ZNF445: variants seen among roughly 807,000 people sequenced by gnomAD.
The protein encoded by ZNF445 is zinc finger protein 445.
ZNF445 carries 19 observed loss-of-function variants against 93.9 expected under a neutral mutation model. That is an observed-to-expected ratio of 0.20 (90% CI 0.14 to 0.30). The LOEUF (loss-of-function observed/expected upper bound fraction) is 0.30, where lower values mean the gene tolerates loss of function less well. Ranked by LOEUF, ZNF445 falls within the 10% of genes least tolerant of loss-of-function variation. ZNF445 has a pLI of 1.00. For synonymous variants in ZNF445, 449 were observed against 446.3 expected (o/e 1.01, Z -0.08); for missense variants, 1,058 against 1,259.4 (o/e 0.84, Z 2.42).
intron 1 of ZNF445, among the ~76,000 whole-genome samples, chr3:44,472,792 G>T (rs1170060154): frequency 6.6e-6 from 1 of 152,170 alleles, no homozygotes; most frequent in Non-Finnish European, 1.5e-5. Flanking sequence ...TTTAAGCATA[G>T]AAGAAAAGCT....
At chr3:44,477,521 C>A in intron 1 of ZNF445, 70 bp downstream of exon 1, 1 of 152,418 alleles carries the variant, frequency 6.6e-6, no homozygotes, top group South Asian at 1.9e-4. Context: ...CCGAGAATGC[C>A]GCGGACTTCG....
Position 44,474,489 on chromosome 3 carries a change from G to C in ZNF445, c.-269+3102C>G, listed in dbSNP as rs556282434. Among the ~76,000 whole-genome samples, 3 of 152,282 alleles carry C rather than the reference G, an allele frequency of 2.0e-5. No homozygotes were observed. The South Asian group carries it at 6.2e-4, about 32-fold the overall frequency. On this transcript the variant is annotated intron_variant, in intron 1 of 7. Transcript: ENST00000396077. Reference sequence around the variant, plus strand: ...AGATCACGCCATTGCACTCCAGCCAGTGCAACAAGAGCAAAATTCCGTCTC... The same window carrying C: ...AGATCACGCCATTGCACTCCAGCCACTGCAACAAGAGCAAAATTCCGTCTC...
chr3:44,446,607 C>A lies in ZNF445; in HGVS notation c.3064G>T (p.Ala1022Ser), dbSNP rs915420883. Residue 1022 changes from alanine (A) to serine (S), a missense_variant, in exon 8 of 8, where the codon GCT becomes TCT. By Grantham distance (99) the Ala-to-Ser change is moderately conservative (BLOSUM62 1). Transcript: ENST00000396077. The surrounding 1 kb of genome is among the most constrained non-coding windows in gnomAD (Gnocchi z 4.2). ...CTAATATGGTTTTTCATATGCCGAG[C>A]CAGGTTCGAAGACCACCTGAAGGTC... ...GKTFRWSSNL[A>S]RHMKNHIRD The A allele has an allele frequency of 6.2e-7, 1 of 1,614,232 alleles. No individual in the cohort carries two copies. Among genetic ancestry groups the A allele is most frequent in the Non-Finnish European group, 8.5e-7 (1 of 1,180,044 alleles).
rs1263680308 is a variant in ZNF445 at position 44,451,376 on chromosome 3, A to G, written c.536T>C (p.Leu179Pro). 1 of 1,614,074 alleles carries G rather than the reference A, an allele frequency of 6.2e-7. No homozygotes were observed. The highest frequency in any genetic ancestry group is 1.3e-5 in the African/African-American group (1 of 74,936). Residue 179 changes from leucine to proline, a missense_variant, in exon 4 of 8, where the codon CTG (leucine) becomes CCG (proline). Around this residue, in one of 3 missense-constraint regions of ZNF445, gnomAD observed 657 missense variants for 746.4 expected, o/e 0.88. Transcript: ENST00000396077. ...ATAGGGAGGCTCCAGGTGGTCCCCC[A>G]GAGCAGAGCTGCTCCTGAGAGGTGA... ...LASPLRSSSA[L>P]GDHLEPPYEI...
At chr3:44,450,136 A>G (rs1697936954) in intron 6 of ZNF445, 2 of 363,580 alleles carry the variant, frequency 5.5e-6, no homozygotes, top group South Asian at 2.5e-5. Context: ...ATGGGGTTTC[A>G]CTATGTTGCC....
chr3:44,455,352 A>G lies in ZNF445; in HGVS notation c.198T>C (p.Ser66=). 6.2e-7 allele frequency: 1 copy of G among 1,614,054 alleles called. No individual in the cohort carries two copies. The highest frequency in any genetic ancestry group is 1.1e-5 in the South Asian group (1 of 91,076). ...GGCTCAGAGTTTCTAGGGGCCCTGA[A>G]GACTCATGGTAGCGAAGCTGTCTGA... ...QLFRQLRYHE[S]SGPLETLSRL... is the part of the protein sequence containing the mutation. Residue 66 remains serine, a synonymous_variant, in exon 3 of 8, where the codon TCT becomes TCC. Transcript: ENST00000396077.
chr3:44,476,974 C>T (rs901058549), intron 1 of ZNF445, among the ~76,000 whole-genome samples: 5 of 152,104 alleles, frequency 3.3e-5, no homozygotes, highest in African/African-American at 1.2e-4. Context: ...AGAACAAATG[C>T]ATTCTACAAA....
rs1034521253 is a variant in ZNF445, at chr3:44,442,928, T to C, written c.*3647A>G. The C allele has an allele frequency of 3.3e-5, 5 of 152,242 alleles. No homozygotes were observed. Among genetic ancestry groups the C allele is most frequent in the Non-Finnish European group, 7.3e-5 (5 of 68,034 alleles). The allele number at this position is 152,242 out of a possible 1,614,324, so 9.4% of individuals were successfully genotyped here. A position where few individuals can be genotyped will look rare whatever the true frequency, so the allele number is the denominator to read the frequency against. ...TCAGATTCCTTAACAGAGGTAATTTTGTGCAAGATATTTTCTGCATGGCAA... is the reference window on the plus strand; with the variant it reads ...TCAGATTCCTTAACAGAGGTAATTTCGTGCAAGATATTTTCTGCATGGCAA... On this transcript the variant is annotated 3_prime_UTR_variant, in exon 8 of 8. Transcript: ENST00000396077.
chr3:44,440,675 G>A lies in ZNF445; in HGVS notation c.*5900C>T, dbSNP rs1291762533. 6.6e-6 allele frequency: 1 copy of A among 152,210 alleles called. No homozygotes were observed. The highest frequency in any genetic ancestry group is 1.5e-5 in the Non-Finnish European group (1 of 68,044). 9.4% of individuals were successfully genotyped at this position (152,210 alleles called of 1,614,324 possible). ...TTGCTCAAGAAAAGAATTCGGGCGA[G>A]TCCACAAAGTGAAAGTAGTTAATAT... On this transcript the variant is annotated 3_prime_UTR_variant, in exon 8 of 8. Transcript: ENST00000396077.
Position 44,448,391 on chromosome 3 carries a change from T to C in ZNF445, c.1280A>G (p.His427Arg), listed in dbSNP as rs772081933. The C allele has an allele frequency of 6.2e-7, 1 of 1,614,162 alleles. No homozygotes were observed. Among genetic ancestry groups the C allele is most frequent in the African/African-American group, 1.3e-5 (1 of 74,952 alleles). Residue 427 changes from histidine to arginine, a missense_variant, in exon 8 of 8, where the codon CAC becomes CGC. This residue lies in a region of ZNF445 where 657 missense variants were observed against 746.4 expected (regional missense o/e 0.88). Transcript: ENST00000396077. ...CGKHFRMSSH[H>R]YDYKKYGKGL... Reference sequence around the variant, plus strand: ...CTTCCCATATTTCTTGTAGTCATAGTGGTGTGAACTCATTCTGAAGTGTTT... The same window carrying C: ...CTTCCCATATTTCTTGTAGTCATAGCGGTGTGAACTCATTCTGAAGTGTTT...
In ZNF445 at chr3:44,450,945, T is replaced by A. The variant is rs764413795; in HGVS notation, c.616A>T (p.Met206Leu). ...CCCTCTCTCGGGAAAAGGGCAGGCA[T>A]CTGGGCAGCAGGAGTATCTGAAGGA... The part of the protein sequence containing the change: ...AGQSDTPAAQ[M>L]PALFPREGCP... The change falls in exon 5 of 8, where the codon ATG becomes TTG. Residue 206 changes from methionine (M) to leucine (L), a missense_variant. Met to Leu is a conservative substitution (Grantham distance 15). Transcript: ENST00000396077. 6.3e-7 allele frequency: 1 copy of A among 1,597,424 alleles called. No individual in the cohort carries two copies. Among genetic ancestry groups the A allele is most frequent in the Non-Finnish European group, 8.5e-7 (1 of 1,172,332 alleles).
chr3:44,471,008 A>C (rs567760095), intron 1 of ZNF445, among the ~76,000 whole-genome samples: 157 of 152,324 alleles, frequency 1.0e-3, no homozygotes, highest in African/African-American at 3.6e-3. Flanking sequence ...CAAAAATAAA[A>C]AACCTATCCA....
At position 44,459,524 on chromosome 3, in the gene ZNF445, C is replaced by T. The variant is rs796885217; in HGVS notation, c.-268-1160G>A. On this transcript the variant is annotated intron_variant, in intron 1 of 7. Transcript: ENST00000396077. ...GGCTTGATAAGCATATTCTAAAATT[C>T]AAGCAAATGACTAAAAGGCCAAGAA... 6.6e-5 allele frequency among the ~76,000 whole-genome samples: 10 copies of T among 152,270 alleles called. No individual in the cohort carries two copies. In the South Asian group the frequency reaches 2.1e-3, roughly 32 times the overall value.
intron 1 of ZNF445, among the ~76,000 whole-genome samples, chr3:44,465,913 C>A (rs1559398920): frequency 2.7e-5 from 4 of 150,252 alleles, no homozygotes; most frequent in African/African-American, 9.8e-5. Context: ...GACTTCGTCT[C>A]AAAAAAAAAC....
chr3:44,462,761 G>A (rs558416091), intron 1 of ZNF445, among the ~76,000 whole-genome samples: 1 of 152,210 alleles, frequency 6.6e-6, no homozygotes, highest in South Asian at 2.1e-4. Flanking sequence ...AGTGAAAACT[G>A]ATTAATTTCA....
rs543588993 is a variant in ZNF445 at position 44,447,476 on chromosome 3, G to C, written c.2195C>G (p.Ala732Gly). Residue 732 changes from alanine to glycine, a missense_variant, in exon 8 of 8, where the codon GCC becomes GGC. By Grantham distance (60) the Ala-to-Gly change is moderately conservative. Transcript: ENST00000396077. The surrounding 1 kb of genome is among the most constrained non-coding windows in gnomAD (Gnocchi z 4.7). Reference protein sequence around the residue: ...SAFIVHKKKHAMKRKPEGGPS... With the variant: ...SAFIVHKKKHGMKRKPEGGPS... ...CCCGCCCTCAGGTTTTCTTTTCATG[G>C]CATGCTTCTTCTTATGAACAATAAA... 1.9e-6 allele frequency: 3 copies of C among 1,614,122 alleles called. No homozygotes were observed. In the East Asian group the frequency reaches 6.7e-5, roughly 36 times the overall value.
At chr3:44,459,503 T>C (rs915121139) in intron 1 of ZNF445, among the ~76,000 whole-genome samples, 3 of 152,228 alleles carry the variant, frequency 2.0e-5, no homozygotes, top group Admixed American at 2.0e-4. Flanking sequence ...TCTTAGGGCT[T>C]GATAAGCATA....
intron 1 of ZNF445, among the ~76,000 whole-genome samples, chr3:44,474,539 A>G (rs1260228887): frequency 6.6e-6 from 1 of 152,066 alleles, no homozygotes; most frequent in Non-Finnish European, 1.5e-5. Context: ...CAGAACAAAC[A>G]AAAAAACAAA....
rs567482954 is a variant in ZNF445 at position 44,449,437 on chromosome 3, A to G, written c.931+76T>C. 777 of 1,190,286 alleles carry G rather than the reference A, an allele frequency of 6.5e-4. 6 individuals are homozygous for G. The African/African-American group carries it at 0.01, about 15-fold the overall frequency. 73.7% of individuals were successfully genotyped at this position (1,190,286 alleles called of 1,614,324 possible). A position where few individuals can be genotyped will look rare whatever the true frequency, so the allele number is the denominator to read the frequency against. On this transcript the variant is annotated intron_variant, in intron 7 of 7. Transcript: ENST00000396077. ...CCAGCAAACAATGGAGTAAATTCCC[A>G]GTGATGTAACTGACCTTAAGAAAGA... is the stretch of plus-strand genomic sequence containing the variant.
Sources: allele counts gnomAD v4.1 joint callset (sites outside exome capture counted in the v4.1 genomes callset), GRCh38; gene constraint gnomAD v4.1.1; regional missense constraint gnomAD v4.1.1; non-coding constraint Gnocchi (gnomAD v3.1); transcripts MANE v1.5; gene names NCBI Gene and HGNC (gene_info 2026-07-23, HGNC 2026-07-21).